The following NDUFV3 variants were observed in gnomAD, a reference collection of about 807,000 sequenced individuals.
NDUFV3 encodes NADH:ubiquinone oxidoreductase subunit V3, also known as NADH dehydrogenase [ubiquinone] flavoprotein 3, mitochondrial.
A neutral mutation model predicts 37.5 loss-of-function variants in NDUFV3; 44 were observed. The ratio of observed to expected loss-of-function variants is 1.17; its 90% CI spans 0.92 to 1.51. The LOEUF is 1.51. NDUFV3 is among the 40% of genes most tolerant of loss of function. The pLI, the probability that NDUFV3 is intolerant of heterozygous loss-of-function variation, is 0.00. For synonymous variants in NDUFV3, 235 were observed against 239.3 expected, an observed-to-expected ratio of 0.98 and a Z score of 0.17; for missense variants, 580 against 580.4, an observed-to-expected ratio of 1.00 and a Z score of 0.01.
At chr21:42,897,961 C>T (rs373640428) in intron 2 of NDUFV3, among the ~76,000 whole-genome samples, 4 of 152,248 alleles carry the variant, frequency 2.6e-5, no homozygotes, top group Non-Finnish European at 1.5e-5. Context: ...CAGGCGTGAG[C>T]CACCGTGCCC....
At chr21:42,904,621 T>G (rs556707476) in intron 3 of NDUFV3, among the ~76,000 whole-genome samples, 1 of 148,958 alleles carries the variant, frequency 6.7e-6, no homozygotes, top group Admixed American at 6.7e-5. Flanking sequence ...TAGCTGAGAT[T>G]ACAGGCGCAG....
At chr21:42,895,155 C>T (rs964378271) in intron 1 of NDUFV3, among the ~76,000 whole-genome samples, 4 of 152,028 alleles carry the variant, frequency 2.6e-5, no homozygotes, top group African/African-American at 4.8e-5. Flanking sequence ...GTCAGGCATT[C>T]GAGACCAACA....
chr21:42,905,293 G>A (rs902822733), intron 3 of NDUFV3, among the ~76,000 whole-genome samples: 17 of 152,162 alleles, frequency 1.1e-4, no homozygotes, highest in African/African-American at 3.6e-4. Flanking sequence ...GTAGCTAGTC[G>A]CTTGGCGTGA....
intron 1 of NDUFV3, among the ~76,000 whole-genome samples, chr21:42,895,156 G>A (rs6586259): frequency 0.19 from 29,447 of 151,938 alleles, 4,085 homozygotes; most frequent in African/African-American, 0.4. Context: ...TCAGGCATTC[G>A]AGACCAACAT....
rs59005349 is a variant in NDUFV3 at position 42,894,371 on chromosome 21, T to TATAATATATATTATATATA, written c.48+990_48+991insATAATATATATTATATATA. Among the ~76,000 whole-genome samples, 6 of 22,958 alleles carry TATAATATATATTATATATA rather than the reference T, an allele frequency of 2.6e-4. No homozygotes were observed. The African/African-American group carries it at 5.4e-3, about 21-fold the overall frequency. The allele number at this position is 22,958 out of a possible 152,430, so 15.1% of individuals were successfully genotyped here. On this transcript the variant is annotated intron_variant, in intron 1 of 3. Coordinates refer to ENST00000354250, the MANE Select transcript of NDUFV3 (RefSeq NM_021075.4). ...TATATAAATATATATTATATATATA[T>TATAATATATATTATATATA]TTATATAATATGTAAATATATATTA...
At position 42,911,388 on chromosome 21, in the gene NDUFV3, T is replaced by C. The variant is rs1324359455; in HGVS notation, c.*2367T>C. The C allele has an allele frequency of 6.7e-6, 1 of 149,554 alleles. No homozygotes were observed. The highest frequency in any genetic ancestry group is 1.5e-5 in the Non-Finnish European group (1 of 67,580). The allele number at this position is 149,554 out of a possible 1,614,324, so 9.3% of individuals were successfully genotyped here. A position where few individuals can be genotyped will look rare whatever the true frequency, so the allele number is the denominator to read the frequency against. On this transcript the variant is annotated 3_prime_UTR_variant, in exon 4 of 4. Transcript: ENST00000354250. Reference sequence around the variant, plus strand: ...TATAATAAAAGTGGTAAAACTACATTACCAAAAAGAAAATAGTAAACTTAC... The same window carrying C: ...TATAATAAAAGTGGTAAAACTACATCACCAAAAAGAAAATAGTAAACTTAC...
chr21:42,905,813 GC>G (rs2058738622), intron 3 of NDUFV3, among the ~76,000 whole-genome samples: 1 of 151,084 alleles, frequency 6.6e-6, no homozygotes, highest in Non-Finnish European at 1.5e-5. Context: ...ACCGTGCCTA[GC>G]GTGTGGAGGC....
intron 3 of NDUFV3, among the ~76,000 whole-genome samples, chr21:42,908,647 G>A (rs1200701604): frequency 6.7e-6 from 1 of 149,382 alleles, no homozygotes; most frequent in Admixed American, 6.7e-5. Flanking sequence ...GCACCTGTGT[G>A]TGAGCCGAGT....
chr21:42,908,775 C>T lies in NDUFV3; in HGVS notation c.1265-89C>T, dbSNP rs558991778. On this transcript the variant is annotated intron_variant, in intron 3 of 3. Coordinates refer to ENST00000354250, the MANE Select transcript of NDUFV3 (RefSeq NM_021075.4). The stretch of plus-strand genomic sequence containing the variant: ...TCACAGATAGGGATGATGAAGAATG[C>T]TTGGTAGGTAAGCGCCTGTGTGTGA... 6.3e-4 allele frequency: 942 copies of T among 1,487,680 alleles called. 9 individuals are homozygous for T. In the South Asian group the frequency reaches 7.6e-3, roughly 12 times the overall value. The allele number at this position is 1,487,680 out of a possible 1,614,324, so 92.2% of individuals were successfully genotyped here. A position where few individuals can be genotyped will look rare whatever the true frequency, so the allele number is the denominator to read the frequency against.
At chr21:42,901,093 T>C (rs761063539) in intron 2 of NDUFV3, among the ~76,000 whole-genome samples, 2 of 152,118 alleles carry the variant, frequency 1.3e-5, no homozygotes, top group Non-Finnish European at 2.9e-5. Flanking sequence ...GTAAGGAATA[T>C]CTGGAAATAG....
rs1024808974 is a variant in NDUFV3, at chr21:42,896,975, T to G, written c.97T>G (p.Ser33Ala). 1.2e-6 allele frequency: 2 copies of G among 1,614,104 alleles called. No individual in the cohort carries two copies. Among genetic ancestry groups the G allele is most frequent in the Middle Eastern group, 1.6e-4 (1 of 6,062 alleles). Residue 33 changes from serine (S) to alanine (A), a missense_variant, in exon 2 of 4, where the codon TCT (serine) becomes GCT (alanine). Coordinates refer to ENST00000354250, the MANE Select transcript of NDUFV3 (RefSeq NM_021075.4). Reference sequence around the variant, plus strand: ...GTTTCGAGGACTTGCTTCTACGGTTTCTTTGTCTGCGGAATCAGGGAAGAG... The same window carrying G: ...GTTTCGAGGACTTGCTTCTACGGTTGCTTTGTCTGCGGAATCAGGGAAGAG... ...QVFRGLASTV[S>A]LSAESGKSEK...
At chr21:42,896,902 C>G in intron 1 of NDUFV3, 25 bp from the exon 2 acceptor site, 3 of 1,604,150 alleles carry the variant, frequency 1.9e-6, no homozygotes, top group Non-Finnish European at 2.6e-6. Context: ...CTCTAAACAT[C>G]CATATTCATT....
At chr21:42,908,323 T>G (rs1257815939) in intron 3 of NDUFV3, among the ~76,000 whole-genome samples, 4 of 152,070 alleles carry the variant, frequency 2.6e-5, no homozygotes, top group Admixed American at 2.6e-4. Flanking sequence ...AAAAAACGCA[T>G]TGTAATAACT....
chr21:42,900,708 T>G (rs984394884), intron 2 of NDUFV3, among the ~76,000 whole-genome samples: 3 of 152,200 alleles, frequency 2.0e-5, no homozygotes, highest in Non-Finnish European at 4.4e-5. Flanking sequence ...GTTTCCTGCA[T>G]GCAAGTGAGG....
intron 3 of NDUFV3, chr21:42,906,719 A>G: frequency 2.7e-6 from 1 of 366,168 alleles, no homozygotes; most frequent in South Asian, 2.1e-5. Context: ...CTCACTAGGC[A>G]GTCCGTGCCC....
rs550099115 is a variant in NDUFV3, at chr21:42,899,690, G to A, written c.169+2643G>A. ...CATCTCTTGACCTCGTGATCCGTCC[G>A]CCTTGGCCTCCCAAAGTGCTGGGAT... On this transcript the variant is annotated intron_variant, in intron 2 of 3. Transcript: ENST00000354250. Among the ~76,000 whole-genome samples the A allele has an allele frequency of 3.9e-5, 6 of 152,212 alleles. No individual in the cohort carries two copies. The South Asian group carries it at 1.0e-3, about 26-fold the overall frequency.
chr21:42,897,905 T>C (rs554665263), intron 2 of NDUFV3, among the ~76,000 whole-genome samples: 5 of 152,228 alleles, frequency 3.3e-5, no homozygotes, highest in South Asian at 4.1e-4. Flanking sequence ...CTTGATCTCC[T>C]GACCTTGTGA....
intron 1 of NDUFV3, among the ~76,000 whole-genome samples, chr21:42,896,195 C>T (rs1415158772): frequency 5.9e-5 from 8 of 135,132 alleles, no homozygotes; most frequent in Admixed American, 2.8e-4. Context: ...CTTGCTCTGT[C>T]GCCCAGGCTA....
At chr21:42,894,394 T>TAA (rs2058675862) in intron 1 of NDUFV3, among the ~76,000 whole-genome samples, 1 of 24,520 alleles carries the variant, frequency 4.1e-5, no homozygotes, top group African/African-American at 6.2e-4. Context: ...TAAATATATA[T>TAA]TATATATTTA....
Sources: gnomAD v4.1 joint callset for allele counts (sites outside exome capture counted in the v4.1 genomes callset) on GRCh38, gnomAD v4.1.1 for gene constraint, MANE v1.5 for transcripts, NCBI Gene and HGNC (gene_info 2026-07-23, HGNC 2026-07-21) for gene names.